C5: variants seen among roughly 807,000 people sequenced by gnomAD.
C5 encodes complement C5.
C5 carries 140 observed loss-of-function variants against 218.8 expected under a neutral mutation model. That is an observed-to-expected ratio of 0.64 (90% confidence interval 0.56 to 0.74). The LOEUF is 0.74. Ranked by LOEUF, C5 falls within the 30% of genes least tolerant of loss-of-function variation. C5 has a pLI of 0.00. For missense variants in C5, 1,700 were observed against 1,969.6 expected (o/e 0.86, Z 2.59); for synonymous variants, 614 against 682.3 (o/e 0.90, Z 1.56).
intron 12 of C5, 29 bp downstream of exon 12, chr9:121,019,947 A>G: frequency 7.3e-7 from 1 of 1,373,230 alleles, no homozygotes; most frequent in African/African-American, 1.4e-5. Context: ...GTGGGGGAAT[A>G]AGATGTAAAT....
In C5 at chr9:120,991,284, T is replaced by C. The variant is rs1564142521; in HGVS notation, c.2852-4A>G. The C allele has an allele frequency of 1.3e-6, 2 of 1,575,304 alleles. No homozygotes were observed. The highest frequency in any genetic ancestry group is 1.7e-6 in the Non-Finnish European group (2 of 1,144,708). ...TCCTTTCGTCTGCTAATGGTACCTG[T>C]AATTTAGAAAATTTGGATTTATACA... On this transcript the variant is annotated splice_polypyrimidine_tract_variant and splice_region_variant and intron_variant, in intron 22 of 40. Transcript: ENST00000223642.
At chr9:121,001,973 A>G (rs985443714) in intron 20 of C5, among the ~76,000 whole-genome samples, 1 of 151,882 alleles carries the variant, frequency 6.6e-6, no homozygotes, top group Non-Finnish European at 1.5e-5. Flanking sequence ...AAATGTCTTT[A>G]ATAGAAACAT....
At chr9:120,958,084 G>T (rs1169736346) in intron 38 of C5, among the ~76,000 whole-genome samples, 1 of 152,196 alleles carries the variant, frequency 6.6e-6, no homozygotes, top group Admixed American at 6.5e-5. Flanking sequence ...TAAAAGATTT[G>T]TTCATTCTAG....
At chr9:121,030,555 G>T in intron 6 of C5, 68 bp from the exon 7 acceptor site, 1 of 866,102 alleles carries the variant, frequency 1.2e-6, no homozygotes, top group Non-Finnish European at 1.8e-6. Flanking sequence ...CTAGCAAACA[G>T]CTAGACTTTC....
rs1564141512 is a variant in C5, at chr9:120,989,056, C to T, written c.3220G>A (p.Ala1074Thr). 6.2e-7 allele frequency: 1 copy of T among 1,612,292 alleles called. No homozygotes were observed. The highest frequency in any genetic ancestry group is 8.5e-7 in the Non-Finnish European group (1 of 1,178,298). The change falls in exon 25 of 41, where the codon GCT becomes ACT. Residue 1074 changes from alanine (A) to threonine (T), a missense_variant. Coordinates refer to ENST00000223642, the MANE Select transcript of C5 (RefSeq NM_001735.3). Reference protein sequence around the residue: ...YSYSVWKGGSASTWLTAFALR... With the variant: ...YSYSVWKGGSTSTWLTAFALR... Reference sequence around the variant, plus strand: ...AAATCTTCTACTTACCAAGTGCTAGCACTTCCACCCTTCCACACACTGTAA... The same window carrying T: ...AAATCTTCTACTTACCAAGTGCTAGTACTTCCACCCTTCCACACACTGTAA...
chr9:121,036,160 A>G (rs1454621905), intron 4 of C5, among the ~76,000 whole-genome samples: 1 of 152,212 alleles, frequency 6.6e-6, no homozygotes, highest in African/African-American at 2.4e-5. Flanking sequence ...TTATTTCGTA[A>G]TTAATTGTAA....
intron 5 of C5, among the ~76,000 whole-genome samples, chr9:121,033,010 A>G (rs957873696): frequency 2.0e-4 from 7 of 35,178 alleles, no homozygotes; most frequent in Non-Finnish European, 4.7e-4. Flanking sequence ...CAAAAAAACT[A>G]TGGGTGTGTG....
chr9:120,997,410 A>T (rs1396368355), intron 21 of C5, 137 bp downstream of exon 21: 2 of 688,940 alleles, frequency 2.9e-6, no homozygotes, highest in African/African-American at 3.6e-5. Context: ...TACAAAAAAA[A>T]TCTGGAATAA....
intron 10 of C5, among the ~76,000 whole-genome samples, chr9:121,022,725 T>C (rs1363585969): frequency 6.6e-6 from 1 of 150,694 alleles, no homozygotes; most frequent in Non-Finnish European, 1.5e-5. Context: ...ATATTATTTG[T>C]AATAAAATAT....
chr9:120,954,618 C>CT (rs368712674), intron 39 of C5, among the ~76,000 whole-genome samples: 18 of 152,324 alleles, frequency 1.2e-4, no homozygotes, highest in African/African-American at 4.3e-4. Context: ...ATCTGTCCTT[C>CT]TAGCTAGACT....
rs371503868 is a variant in C5 at position 120,969,076 on chromosome 9, A to G, written c.4205T>C (p.Ile1402Thr). The G allele has an allele frequency of 1.2e-5, 20 of 1,613,960 alleles. No homozygotes were observed. In the African/African-American group the frequency reaches 1.9e-4, roughly 15 times the overall value. The change falls in exon 33 of 41, where the codon ATA (isoleucine) becomes ACA (threonine). Residue 1402 changes from isoleucine to threonine, a missense_variant. Coordinates refer to ENST00000223642, the MANE Select transcript of C5 (RefSeq NM_001735.3). ...ATAGGCTCACCTGGCACATGCTACT[A>G]TGCGTTTGTAATCAGAGTTTCCGTA... is the stretch of plus-strand genomic sequence containing the variant. ...RGYGNSDYKR[I>T]VACASYKPSR...
intron 10 of C5, among the ~76,000 whole-genome samples, chr9:121,023,176 G>A (rs1487755739): frequency 1.3e-5 from 2 of 152,118 alleles, no homozygotes; most frequent in African/African-American, 2.4e-5. Flanking sequence ...ATTTAGGGAT[G>A]CCTAATACAA....
intron 14 of C5, among the ~76,000 whole-genome samples, chr9:121,016,673 T>G (rs2047309987): frequency 1.3e-5 from 2 of 152,352 alleles, no homozygotes; most frequent in South Asian, 4.1e-4. Flanking sequence ...GAATGAATGC[T>G]GCAATCAATA....
the C5 span, among the ~76,000 whole-genome samples, chr9:121,070,423 A>ATATATATG: frequency 1.0e-4 from 12 of 115,052 alleles, no homozygotes; most frequent in Admixed American, 2.7e-4. Context: ...ATATATATAT[A>ATATATATG]TATGTATGTA....
intron 30 of C5, 137 bp downstream of exon 30, chr9:120,974,642 C>T: frequency 1.2e-6 from 1 of 817,290 alleles, no homozygotes; most frequent in Non-Finnish European, 2.1e-6. Context: ...ATATAGCAGG[C>T]ATCCCTGTTT....
intron 37 of C5, among the ~76,000 whole-genome samples, chr9:120,960,971 T>C (rs1018967995): frequency 2.4e-4 from 36 of 152,224 alleles, no homozygotes; most frequent in African/African-American, 8.7e-4. Context: ...AATGTGTAGA[T>C]ATTGAGGATT....
chr9:121,070,784 G>T, the C5 span, among the ~76,000 whole-genome samples: 1 of 152,034 alleles, frequency 6.6e-6, no homozygotes, highest in African/African-American at 2.4e-5. Flanking sequence ...ATTATAGCTA[G>T]ATAGGAGCAA....
chr9:121,008,798 C>T (rs1464147034), intron 17 of C5, among the ~76,000 whole-genome samples: 2 of 151,944 alleles, frequency 1.3e-5, no homozygotes, highest in East Asian at 1.9e-4. Flanking sequence ...GGCATGGTGG[C>T]GGGTGTCTAT....
chr9:121,070,423 ATATGTATGTATATTCTGTATGTG>A, the C5 span, among the ~76,000 whole-genome samples: 10 of 115,064 alleles, frequency 8.7e-5, no homozygotes, highest in Admixed American at 1.8e-4. Flanking sequence ...ATATATATAT[ATATGTATGTATATTCTGTATGTG>A]TATATATATA....
Sources: allele counts gnomAD v4.1 joint callset (sites outside exome capture counted in the v4.1 genomes callset), GRCh38; gene constraint gnomAD v4.1.1; transcripts MANE v1.5; gene names NCBI Gene and HGNC (gene_info 2026-07-23, HGNC 2026-07-21).